Variants in C12orf42 observed in about 807,000 individuals in gnomAD.
C12orf42 encodes uncharacterized protein C12orf42.
In C12orf42, 25 loss-of-function variants were observed where a neutral mutation model predicts 21.6. The ratio of observed to expected loss-of-function variants is 1.16; its 90% CI spans 0.84 to 1.62. The LOEUF (loss-of-function observed/expected upper bound fraction) is 1.62, where lower values mean the gene tolerates loss of function less well. C12orf42 is among the 40% of genes most tolerant of loss of function. C12orf42 has a pLI of 0.00. For missense variants in C12orf42, 483 were observed against 459.3 expected (o/e 1.05, Z -0.47); for synonymous variants, 174 against 175.0 (o/e 0.99, Z 0.05).
At chr12:103,192,169 AT>A in the C12orf42 span, among the ~76,000 whole-genome samples, 3 of 152,190 alleles carry the variant, frequency 2.0e-5, no homozygotes, top group African/African-American at 7.2e-5. Flanking sequence ...AGTAGATTGG[AT>A]TTAAAAAAAG....
intron 4 of C12orf42, among the ~76,000 whole-genome samples, chr12:103,363,399 T>C (rs2044289381): frequency 6.6e-6 from 1 of 152,064 alleles, no homozygotes; most frequent in Non-Finnish European, 1.5e-5. Flanking sequence ...CTTTAAAGCA[T>C]AAATCTCATA....
chr12:103,523,335 C>A, the C12orf42 span, among the ~76,000 whole-genome samples: 1 of 152,044 alleles, frequency 6.6e-6, no homozygotes, highest in African/African-American at 2.4e-5. Context: ...CAAATAAAAA[C>A]TCATTCTAAA....
the C12orf42 span, among the ~76,000 whole-genome samples, chr12:103,171,603 T>C: frequency 8.5e-5 from 13 of 152,054 alleles, no homozygotes; most frequent in Admixed American, 3.3e-4. Flanking sequence ...TTTTAATAAA[T>C]TGAAGAGTTG....
intron 3 of C12orf42, among the ~76,000 whole-genome samples, chr12:103,393,755 C>T (rs553375202): frequency 9.2e-5 from 14 of 152,246 alleles, no homozygotes; most frequent in Non-Finnish European, 1.8e-4. Context: ...ATGAATGAAA[C>T]ACCTAATACT....
the C12orf42 span, among the ~76,000 whole-genome samples, chr12:103,063,298 A>T: frequency 6.6e-6 from 1 of 152,180 alleles, no homozygotes; most frequent in South Asian, 2.1e-4. Context: ...GAAATTGTGG[A>T]AAAACAGACA....
chr12:103,496,887 T>C (rs561409239), upstream of C12orf42, among the ~76,000 whole-genome samples: 7 of 150,862 alleles, frequency 4.6e-5, no homozygotes, highest in African/African-American at 1.7e-4. Context: ...GTCTAGCAAC[T>C]CTTGGGAAGC....
intron 4 of C12orf42, among the ~76,000 whole-genome samples, chr12:103,296,738 T>C (rs969408383): frequency 3.9e-5 from 6 of 152,210 alleles, no homozygotes; most frequent in African/African-American, 1.4e-4. Context: ...GTTTGAGTTC[T>C]TTGTAGATTC....
the C12orf42 span, among the ~76,000 whole-genome samples, chr12:103,172,845 G>T: frequency 6.6e-6 from 1 of 152,048 alleles, no homozygotes; most frequent in East Asian, 1.9e-4. Context: ...TCTAAATTTT[G>T]TCAAATATAT....
At chr12:103,126,491 A>G in the C12orf42 span, among the ~76,000 whole-genome samples, 3 of 152,208 alleles carry the variant, frequency 2.0e-5, no homozygotes, top group Non-Finnish European at 4.4e-5. Context: ...TTAGTTTCAG[A>G]TCTATTAATG....
At chr12:103,455,025 T>A (rs1420182810) in intron 2 of C12orf42, among the ~76,000 whole-genome samples, 1 of 152,180 alleles carries the variant, frequency 6.6e-6, no homozygotes, top group Non-Finnish European at 1.5e-5. Flanking sequence ...AGTTAACACA[T>A]GTAAAGCAGT....
the C12orf42 span, among the ~76,000 whole-genome samples, chr12:103,115,272 A>G: frequency 6.6e-6 from 1 of 152,232 alleles, no homozygotes; most frequent in African/African-American, 2.4e-5. Context: ...TATTGCGACC[A>G]TAAAATAACC....
chr12:103,361,061 C>A (rs2044056783), intron 4 of C12orf42, among the ~76,000 whole-genome samples: 1 of 152,022 alleles, frequency 6.6e-6, no homozygotes, highest in African/African-American at 2.4e-5. Flanking sequence ...ACAGACAGAG[C>A]AGCATGTGGA....
chr12:103,478,506 G>T, intron 1 of C12orf42, 59 bp from the exon 2 acceptor site: 1 of 752,748 alleles, frequency 1.3e-6, no homozygotes, highest in Non-Finnish European at 2.0e-6. Flanking sequence ...GATAATATTA[G>T]AGAAAAAAAT....
chr12:103,346,600 G>T lies in C12orf42; in HGVS notation c.259+22287C>A, dbSNP rs79835200. Among the ~76,000 whole-genome samples, 1,966 of 152,308 alleles carry T rather than the reference G, an allele frequency of 0.013. 127 individuals are homozygous for T. The East Asian group carries it at 0.21, about 17-fold the overall frequency. ...GTCTCTAGTAGATGTAATTAGCAGA[G>T]AAAAGTTGTTACTCCTCTCTGGAAG... On this transcript the variant is annotated intron_variant, in intron 4 of 5. Coordinates refer to ENST00000548883, the MANE Select transcript of C12orf42 (RefSeq NM_198521.5).
intron 2 of C12orf42, among the ~76,000 whole-genome samples, chr12:103,422,354 T>C (rs558940156): frequency 2.0e-5 from 3 of 152,132 alleles, no homozygotes; most frequent in Admixed American, 2.0e-4. Context: ...CAATTATTGT[T>C]CAACAAAAGC....
intron 4 of C12orf42, among the ~76,000 whole-genome samples, chr12:103,325,812 C>G (rs2040626283): frequency 6.6e-6 from 1 of 152,102 alleles, no homozygotes; most frequent in Non-Finnish European, 1.5e-5. Flanking sequence ...TTTTACCCAA[C>G]AGAACGTGGC....
At chr12:103,245,577 G>A (rs1464686594) in intron 10 of C12orf42, among the ~76,000 whole-genome samples, 1 of 152,010 alleles carries the variant, frequency 6.6e-6, no homozygotes, top group East Asian at 1.9e-4. Context: ...AGCACTCTAA[G>A]CACTTTATAA....
chr12:103,359,673 C>A (rs1441434147), intron 4 of C12orf42, among the ~76,000 whole-genome samples: 2 of 151,952 alleles, frequency 1.3e-5, no homozygotes, highest in East Asian at 3.9e-4. Flanking sequence ...GGGCATGAGA[C>A]AATTCATCCA....
the C12orf42 span, among the ~76,000 whole-genome samples, chr12:103,109,850 CA>C: frequency 4.0e-5 from 6 of 151,868 alleles, no homozygotes; most frequent in African/African-American, 1.5e-4. Flanking sequence ...AATTAAGTAA[CA>C]AACAATTCCT....
Sources: allele counts gnomAD v4.1 joint callset (sites outside exome capture counted in the v4.1 genomes callset), GRCh38; gene constraint gnomAD v4.1.1; transcripts MANE v1.5; gene names NCBI Gene and HGNC (gene_info 2026-07-23, HGNC 2026-07-21).